Variants in ECT2 observed in about 807,000 individuals in gnomAD.
The protein encoded by ECT2 is epithelial cell transforming 2.
ECT2 carries 61 observed loss-of-function variants against 116.9 expected under a neutral mutation model. The ratio of observed to expected loss-of-function variants is 0.52; its 90% CI spans 0.42 to 0.65. The LOEUF (loss-of-function observed/expected upper bound fraction) is 0.65. Ranked by LOEUF, ECT2 falls within the 30% of genes least tolerant of loss-of-function variation. The probability of loss-of-function intolerance (pLI) is 0.00; values close to 1 mark genes in which losing one functional copy is unlikely to be tolerated. For missense variants in ECT2, 937 were observed against 1,078.7 expected (o/e 0.87, Z 1.84); for synonymous variants, 358 against 346.4 (o/e 1.03, Z -0.37).
At chr3:172,800,877 G>T (rs1726588108) in intron 18 of ECT2, among the ~76,000 whole-genome samples, 1 of 152,120 alleles carries the variant, frequency 6.6e-6, no homozygotes, top group South Asian at 2.1e-4. Flanking sequence ...AACAGTTCAT[G>T]TGCAGAACAG....
intron 15 of ECT2, among the ~76,000 whole-genome samples, chr3:172,782,574 G>A (rs886647021): frequency 9.9e-5 from 15 of 152,010 alleles, no homozygotes; most frequent in African/African-American, 3.1e-4. Context: ...GTACATGTAC[G>A]GGTTTATTAT....
At chr3:172,816,947 A>G (rs1036571265) in intron 24 of ECT2, 110 bp downstream of exon 24, 23 of 866,306 alleles carry the variant, frequency 2.7e-5, no homozygotes, top group Non-Finnish European at 3.4e-5. Flanking sequence ...AAATTTTAAT[A>G]ATTTTATTTA....
At chr3:172,782,741 C>G (rs1415640723) in intron 15 of ECT2, among the ~76,000 whole-genome samples, 1 of 152,084 alleles carries the variant, frequency 6.6e-6, no homozygotes, top group Non-Finnish European at 1.5e-5. Flanking sequence ...CTCTATGTGT[C>G]TATGTCTTCT....
At chr3:172,754,731 G>T (rs764318469) in intron 2 of ECT2, 71 bp downstream of exon 2, 9 of 1,243,058 alleles carry the variant, frequency 7.2e-6, no homozygotes, top group East Asian at 2.5e-5. Context: ...ACTTTCTTAA[G>T]ATTTAATTTT....
At chr3:172,828,777 C>A in the ECT2 span, 1 of 641,248 alleles carries the variant, frequency 1.6e-6, no homozygotes, top group South Asian at 1.7e-5. Flanking sequence ...ACAGAAGAAC[C>A]CCCCATGGCC....
rs1718576444 is a variant in ECT2 at position 172,762,785 on chromosome 3, A to T, written c.984A>T (p.Lys328Asn). 3.1e-6 allele frequency: 5 copies of T among 1,612,612 alleles called. No individual in the cohort carries two copies. Among genetic ancestry groups the T allele is most frequent in the Non-Finnish European group, 3.4e-6 (4 of 1,179,588 alleles). The change falls in exon 10 of 25, where the codon AAA becomes AAT. Residue 328 changes from lysine (K) to asparagine (N), a missense_variant. Transcript: ENST00000392692. ...VKDLPFEPSKKLYVVKQEWFW... is the reference protein window; with the variant it reads ...VKDLPFEPSKNLYVVKQEWFW... Reference sequence around the variant, plus strand: ...ATCTTCCCTTTGAACCTTCAAAGAAACTTTATGTTGTCAAGCAAGAGGCAA... The same window carrying T: ...ATCTTCCCTTTGAACCTTCAAAGAATCTTTATGTTGTCAAGCAAGAGGCAA...
At chr3:172,796,497 A>T (rs1299134128) in intron 18 of ECT2, 1 of 152,086 alleles carries the variant, frequency 6.6e-6, no homozygotes, top group African/African-American at 2.4e-5. Context: ...TTCTTTTTCA[A>T]TTAGCAGTAA....
intron 13 of ECT2, among the ~76,000 whole-genome samples, chr3:172,769,715 C>T (rs1000959715): frequency 2.6e-5 from 4 of 151,930 alleles, no homozygotes; most frequent in Non-Finnish European, 4.4e-5. Flanking sequence ...TCTAATGAAT[C>T]CTTGTAGGAT....
chr3:172,816,731 C>T lies in ECT2; in HGVS notation c.2549C>T (p.Ala850Val). 1.9e-6 allele frequency: 3 copies of T among 1,606,878 alleles called. No homozygotes were observed. Among genetic ancestry groups the T allele is most frequent in the East Asian group, 2.2e-5 (1 of 44,750 alleles). The part of the protein sequence containing the change: ...AFSFSKTPKR[A>V]LRRALMTSHG... ...TCTTTCTCCAAAACTCCAAAAAGAGCTCTTCGAAGGGCTCTTATGACATCC... is the reference window on the plus strand; with the variant it reads ...TCTTTCTCCAAAACTCCAAAAAGAGTTCTTCGAAGGGCTCTTATGACATCC... The change falls in exon 24 of 25, where the codon GCT (alanine) becomes GTT (valine). Residue 850 changes from alanine (A) to valine (V), a missense_variant. Physicochemically the swap from Ala to Val is moderately conservative, Grantham distance 64. Coordinates refer to ENST00000392692, the MANE Select transcript of ECT2 (RefSeq NM_001258315.2).
At chr3:172,755,246 T>C (rs779714076) in intron 2 of ECT2, 49 bp from the exon 3 acceptor site, 8 of 1,431,662 alleles carry the variant, frequency 5.6e-6, no homozygotes, top group Non-Finnish European at 5.7e-6. Flanking sequence ...GACCTACTGA[T>C]TGTGATGTTA....
Position 172,761,675 on chromosome 3 carries a change from G to T in ECT2, c.750G>T (p.Arg250=). 1 of 1,607,924 alleles carries T rather than the reference G, an allele frequency of 6.2e-7. No individual in the cohort carries two copies. Among genetic ancestry groups the T allele is most frequent in the Non-Finnish European group, 8.5e-7 (1 of 1,175,274 alleles). ...GGATTTATAAAGCTTGGGAAAGGCG[G>T]AATGAACAGTAAGTGTTTAGAAACT... ...PEWIYKAWER[R]NEQDFYAAVD... Residue 250 remains arginine, a synonymous_variant, in exon 8 of 25, where the codon CGG becomes CGT. Transcript: ENST00000392692.
rs1729775410 is a variant in ECT2, at chr3:172,816,682, A to C, written c.2509-9A>C. 1 of 1,580,910 alleles carries C rather than the reference A, an allele frequency of 6.3e-7. No individual in the cohort carries two copies. The highest frequency in any genetic ancestry group is 1.1e-5 in the South Asian group (1 of 87,004). On this transcript the variant is annotated splice_polypyrimidine_tract_variant and intron_variant, in intron 23 of 24. Transcript: ENST00000392692. ...GTCTAGGTTTAACTAATTGTAACTT[A>C]AACTCTAGGTTACAAGAGCATTCTC...
intron 2 of ECT2, among the ~76,000 whole-genome samples, chr3:172,754,920 G>A (rs551013726): frequency 6.6e-6 from 1 of 152,060 alleles, no homozygotes; most frequent in Non-Finnish European, 1.5e-5. Context: ...TCTAGCTACA[G>A]CATTATTAGC....
At chr3:172,764,188 T>G (rs889358972) in intron 11 of ECT2, 90 bp from the exon 12 acceptor site, 1 of 1,145,822 alleles carries the variant, frequency 8.7e-7, no homozygotes, top group African/African-American at 1.6e-5. Context: ...AAATCCAGAT[T>G]CTGTCAGACT....
intron 1 of ECT2, among the ~76,000 whole-genome samples, chr3:172,753,198 C>G (rs1268401421): frequency 6.6e-6 from 1 of 152,148 alleles, no homozygotes; most frequent in Non-Finnish European, 1.5e-5. Context: ...CTCCTGGATT[C>G]AAGTGATTCG....
intron 21 of ECT2, among the ~76,000 whole-genome samples, chr3:172,806,561 CTAA>C (rs887394907): frequency 4.2e-5 from 6 of 143,678 alleles, no homozygotes; most frequent in African/African-American, 1.6e-4. Flanking sequence ...ACTGATTCCT[CTAA>C]TAATGAAAGG....
intron 18 of ECT2, among the ~76,000 whole-genome samples, chr3:172,798,264 C>T (rs1371307233): frequency 1.3e-5 from 2 of 151,936 alleles, no homozygotes; most frequent in African/African-American, 4.8e-5. Flanking sequence ...TATCTTAATG[C>T]CATGTTTAAT....
Position 172,762,890 on chromosome 3 carries a change from A to G in ECT2, c.1006-20A>G. 1.2e-6 allele frequency: 2 copies of G among 1,612,982 alleles called. No homozygotes were observed. Among genetic ancestry groups the G allele is most frequent in the Admixed American group, 1.7e-5 (1 of 59,814 alleles). On this transcript the variant is annotated intron_variant, in intron 10 of 24. Transcript: ENST00000392692. ...AAATAAATGTAAACTGTTTATTAAA[A>G]TGTTTTTTCTCTCACCTAGTGGTTC...
chr3:172,783,159 A>T (rs1357594543), intron 15 of ECT2, among the ~76,000 whole-genome samples: 1 of 152,216 alleles, frequency 6.6e-6, no homozygotes, highest in Non-Finnish European at 1.5e-5. Flanking sequence ...GGTTCTGTGA[A>T]TAGAATTTAG....
Sources: allele counts gnomAD v4.1 joint callset (sites outside exome capture counted in the v4.1 genomes callset), GRCh38; gene constraint gnomAD v4.1.1; transcripts MANE v1.5; gene names NCBI Gene and HGNC (gene_info 2026-07-23, HGNC 2026-07-21).